ZDHHC17: variants seen among roughly 807,000 people sequenced by gnomAD.
ZDHHC17 encodes zDHHC palmitoyltransferase 17, also known as palmitoyltransferase ZDHHC17.
A neutral mutation model predicts 90.3 loss-of-function variants in ZDHHC17; 40 were observed. That is an observed-to-expected ratio of 0.44 (90% CI 0.34 to 0.58). ZDHHC17 has a LOEUF of 0.58. ZDHHC17 is among the 20% of genes least tolerant of loss of function. The pLI is 0.01. For missense variants in ZDHHC17, 614 were observed against 780.8 expected, an observed-to-expected ratio of 0.79 and a Z score of 2.55; for synonymous variants, 235 against 252.4, an observed-to-expected ratio of 0.93 and a Z score of 0.65.
At chr12:76,821,318 T>C (rs1389584034) in intron 7 of ZDHHC17, among the ~76,000 whole-genome samples, 1 of 152,194 alleles carries the variant, frequency 6.6e-6, no homozygotes, top group African/African-American at 2.4e-5. Flanking sequence ...TTGATCTTTA[T>C]ATTAAAGGAT....
At chr12:76,777,068 A>G (rs150312664) in intron 1 of ZDHHC17, among the ~76,000 whole-genome samples, 27 of 152,264 alleles carry the variant, frequency 1.8e-4, no homozygotes, top group African/African-American at 6.3e-4. Context: ...GTAGGATAGG[A>G]TAGGATAGTA....
intron 9 of ZDHHC17, among the ~76,000 whole-genome samples, 160 bp downstream of exon 9, chr12:76,827,210 A>T (rs896535101): frequency 4.6e-5 from 7 of 152,160 alleles, no homozygotes; most frequent in African/African-American, 1.7e-4. Flanking sequence ...AAACATTGTT[A>T]TGTTATTAAA....
At chr12:76,796,350 C>T (rs1488652294) in intron 1 of ZDHHC17, among the ~76,000 whole-genome samples, 6 of 151,920 alleles carry the variant, frequency 3.9e-5, no homozygotes, top group East Asian at 1.9e-4. Context: ...CTCAGTTTTT[C>T]AGTTTTTATA....
chr12:76,787,634 C>T (rs1952705006), intron 1 of ZDHHC17, among the ~76,000 whole-genome samples: 1 of 151,460 alleles, frequency 6.6e-6, no homozygotes, highest in Admixed American at 6.6e-5. Context: ...CTCTCTCTCT[C>T]TCTCTCTGTC....
intron 2 of ZDHHC17, among the ~76,000 whole-genome samples, chr12:76,797,961 A>G (rs933822464): frequency 3.3e-5 from 5 of 152,020 alleles, no homozygotes; most frequent in Admixed American, 2.6e-4. Flanking sequence ...ACACACACAC[A>G]CACACACACA....
At chr12:76,785,351 C>G (rs12300156) in intron 1 of ZDHHC17, among the ~76,000 whole-genome samples, 2 of 152,064 alleles carry the variant, frequency 1.3e-5, no homozygotes, top group African/African-American at 2.4e-5. Flanking sequence ...TCTTTTGATT[C>G]CATTTTTTTT....
At chr12:76,813,892 A>T (rs1446678781) in intron 5 of ZDHHC17, among the ~76,000 whole-genome samples, 1 of 152,112 alleles carries the variant, frequency 6.6e-6, no homozygotes, top group African/African-American at 2.4e-5. Context: ...TTAGCCTACA[A>T]TCTCATAGCA....
chr12:76,773,209 T>C (rs1952517609), intron 1 of ZDHHC17, among the ~76,000 whole-genome samples: 1 of 152,168 alleles, frequency 6.6e-6, no homozygotes, highest in Admixed American at 6.5e-5. Context: ...TGTTGTCATG[T>C]AGAATAGTTC....
chr12:76,850,782 T>C (rs1253091112), intron 16 of ZDHHC17, 65 bp from the exon 17 acceptor site: 1 of 1,542,402 alleles, frequency 6.5e-7, no homozygotes, highest in South Asian at 1.3e-5. Context: ...GAAAATTATA[T>C]TGAATTCATG....
chr12:76,787,228 A>C (rs1192444284), intron 1 of ZDHHC17, among the ~76,000 whole-genome samples: 2 of 152,092 alleles, frequency 1.3e-5, no homozygotes, highest in Non-Finnish European at 2.9e-5. Flanking sequence ...GGTCAAGGGG[A>C]AGAGTGAAGG....
At chr12:76,789,358 AG>A (rs1381758018) in intron 1 of ZDHHC17, among the ~76,000 whole-genome samples, 2 of 152,216 alleles carry the variant, frequency 1.3e-5, no homozygotes, top group Non-Finnish European at 2.9e-5. Flanking sequence ...ACCCTGTCAT[AG>A]CTTAAAGTCT....
intron 15 of ZDHHC17, 36 bp from the exon 16 acceptor site, chr12:76,849,340 A>AAAAC: frequency 2.2e-5 from 25 of 1,132,012 alleles, no homozygotes; most frequent in Non-Finnish European, 2.9e-5. Flanking sequence ...AAAAAAAAAA[A>AAAAC]ACAAGAATAA....
At chr12:76,815,765 T>C (rs535267285) in intron 6 of ZDHHC17, 92 bp from the exon 7 acceptor site, 490 of 1,324,856 alleles carry the variant, frequency 3.7e-4, no homozygotes, top group Non-Finnish European at 4.3e-4. Context: ...GGAATGCTAC[T>C]GTAAGCATAA....
chr12:76,805,417 A>G lies in ZDHHC17; in HGVS notation c.298A>G (p.Asn100Asp). 1 of 1,590,210 alleles carries G rather than the reference A, an allele frequency of 6.3e-7. No individual in the cohort carries two copies. The highest frequency in any genetic ancestry group is 8.6e-7 in the Non-Finnish European group (1 of 1,166,090). The change falls in exon 3 of 17, where the codon AAT becomes GAT. Residue 100 changes from asparagine to aspartate, a missense_variant. By Grantham distance (23) the Asn-to-Asp change is conservative. Around this residue, in one of 5 missense-constraint regions of ZDHHC17, gnomAD observed 358 missense variants for 380.4 expected, o/e 0.94. Transcript: ENST00000426126. ...TACCCTCCTCCATTGGGCTGCCATCAATAACAGAATAGATTTAGTCAAGTA... is the reference window on the plus strand; with the variant it reads ...TACCCTCCTCCATTGGGCTGCCATCGATAACAGAATAGATTTAGTCAAGTA... Reference protein sequence around the residue: ...NVTLLHWAAINNRIDLVKYYI... With the variant: ...NVTLLHWAAIDNRIDLVKYYI...
At chr12:76,768,535 C>T (rs1952457411) in intron 1 of ZDHHC17, among the ~76,000 whole-genome samples, 1 of 152,172 alleles carries the variant, frequency 6.6e-6, no homozygotes, top group Non-Finnish European at 1.5e-5. Context: ...AAGTTGTAGG[C>T]ACGTGAAACA....
At chr12:76,820,699 T>A (rs940184593) in intron 7 of ZDHHC17, among the ~76,000 whole-genome samples, 1 of 152,194 alleles carries the variant, frequency 6.6e-6, no homozygotes, top group African/African-American at 2.4e-5. Context: ...AAAATTTTTT[T>A]AAAATTTGAC....
chr12:76,795,122 A>C lies in ZDHHC17; in HGVS notation c.94-2312A>C, dbSNP rs191767981. On this transcript the variant is annotated intron_variant, in intron 1 of 16. Transcript: ENST00000426126. ...CAGGCTATATTTTGTATACATGCAC[A>C]GTGATGCTCTGAGCTATAGTGGAGC... is the stretch of plus-strand genomic sequence containing the variant. 2.3e-3 allele frequency among the ~76,000 whole-genome samples: 356 copies of C among 152,270 alleles called. 3 individuals carry two copies. The highest frequency in any genetic ancestry group is 8.0e-3 in the African/African-American group (332 of 41,556).
chr12:76,787,647 T>G (rs1355027160), intron 1 of ZDHHC17, among the ~76,000 whole-genome samples: 1 of 150,916 alleles, frequency 6.6e-6, no homozygotes, highest in Non-Finnish European at 1.5e-5. Context: ...TCTCTGTCTC[T>G]TGTGTGTGTG....
At chr12:76,834,467 ATTAG>A (rs1010770409) in intron 10 of ZDHHC17, among the ~76,000 whole-genome samples, 9 of 152,142 alleles carry the variant, frequency 5.9e-5, no homozygotes, top group African/African-American at 2.2e-4. Flanking sequence ...AATGTGCAGA[ATTAG>A]TTATCTCCCA....
Sources: gnomAD v4.1 joint callset for allele counts (sites outside exome capture counted in the v4.1 genomes callset) on GRCh38, gnomAD v4.1.1 for gene constraint, gnomAD v4.1.1 regional missense constraint, MANE v1.5 for transcripts, NCBI Gene and HGNC (gene_info 2026-07-23, HGNC 2026-07-21) for gene names.